SLK: variants seen among roughly 807,000 people sequenced by gnomAD.
SLK encodes the protein STE20-like serine/threonine-protein kinase.
Under a neutral mutation model 147.7 loss-of-function variants are expected in SLK, and 67 were observed. The observed-to-expected ratio is 0.45, with a 90% CI of 0.37 to 0.56. The LOEUF is 0.56. Among genes scored for constraint, SLK ranks in the 20% least tolerant of loss-of-function variants. The pLI is 0.00. For missense variants in SLK, 1,136 were observed against 1,438.8 expected, an observed-to-expected ratio of 0.79 and a Z score of 3.41; for synonymous variants, 441 against 475.0, an observed-to-expected ratio of 0.93 and a Z score of 0.93.
In SLK at chr10:104,018,294, T is replaced by C. The variant is rs867230972; in HGVS notation, c.3007+5T>C. On this transcript the variant is annotated splice_donor_5th_base_variant and intron_variant, in intron 14 of 18. Transcript: ENST00000369755. Reference sequence around the variant, plus strand: ...ACAAGCAACAGCTCATGAGAGGTAATTTTTTTAAAATTAAGAAATACTGCA... The same window carrying C: ...ACAAGCAACAGCTCATGAGAGGTAACTTTTTTAAAATTAAGAAATACTGCA... 11 of 1,595,236 alleles carry C rather than the reference T, an allele frequency of 6.9e-6. No homozygotes were observed. Among genetic ancestry groups the C allele is most frequent in the Non-Finnish European group, 9.4e-6 (11 of 1,174,438 alleles).
chr10:103,974,833 T>TTTTTTC lies in SLK; in HGVS notation c.150+6943_150+6944insCTTTTT, dbSNP rs1554841543. On this transcript the variant is annotated intron_variant, in intron 1 of 18. Coordinates refer to ENST00000369755, the MANE Select transcript of SLK (RefSeq NM_014720.4). Reference sequence around the variant, plus strand: ...GCCCGGCTAATTTTTTCTATTTTTTTTTTTTTTTTTTTTTTTTAGTAGAGA... The same window carrying TTTTTTC: ...GCCCGGCTAATTTTTTCTATTTTTTTTTTTTCTTTTTTTTTTTTTTTTTAGTAGAGA... 2 of 111,796 alleles carry TTTTTTC rather than the reference T, an allele frequency of 1.8e-5. 1 individual carries two copies. Among genetic ancestry groups the TTTTTTC allele is most frequent in the East Asian group, 5.8e-4 (2 of 3,474 alleles). The allele number at this position is 111,796 out of a possible 1,614,324, so 6.9% of individuals were successfully genotyped here. A position where few individuals can be genotyped will look rare whatever the true frequency, so the allele number is the denominator to read the frequency against.
chr10:104,001,068 A>G (rs1844241020), intron 7 of SLK, among the ~76,000 whole-genome samples: 1 of 150,956 alleles, frequency 6.6e-6, no homozygotes, highest in South Asian at 2.1e-4. Context: ...CAAAAAAAAA[A>G]AAAAAAAAAA....
chr10:103,970,124 T>C (rs1234347755), intron 1 of SLK, among the ~76,000 whole-genome samples: 4 of 152,174 alleles, frequency 2.6e-5, no homozygotes, highest in Non-Finnish European at 5.9e-5. Context: ...AGTGTGAGGA[T>C]TGAAAAAGAT....
chr10:104,025,489 G>C, intron 18 of SLK, 85 bp from the exon 19 acceptor site: 1 of 1,323,602 alleles, frequency 7.6e-7, no homozygotes, highest in Non-Finnish European at 1.0e-6. Flanking sequence ...AAGTGTTTTG[G>C]ACAAGTAGTT....
At chr10:103,986,696 T>C (rs1166938580) in intron 1 of SLK, among the ~76,000 whole-genome samples, 1 of 114,800 alleles carries the variant, frequency 8.7e-6, no homozygotes, top group Non-Finnish European at 1.8e-5. Context: ...TTTTTTTCCC[T>C]GAGACAGAGT....
intron 1 of SLK, among the ~76,000 whole-genome samples, chr10:103,969,367 A>G (rs534640688): frequency 1.3e-5 from 2 of 152,216 alleles, no homozygotes; most frequent in Non-Finnish European, 1.5e-5. Flanking sequence ...AGGCTAAAAT[A>G]TCTACTCCTC....
chr10:104,019,582 C>G (rs897375283), intron 15 of SLK, 152 bp from the exon 16 acceptor site: 3 of 673,594 alleles, frequency 4.5e-6, no homozygotes, highest in African/African-American at 1.8e-5. Flanking sequence ...TAACTTCTTA[C>G]AAGTTATTTT....
intron 1 of SLK, among the ~76,000 whole-genome samples, chr10:103,990,454 T>C (rs1003441204): frequency 6.6e-6 from 1 of 152,152 alleles, no homozygotes; most frequent in Non-Finnish European, 1.5e-5. Flanking sequence ...TCCACGCAAT[T>C]TTGCTGTGAA....
In SLK at chr10:103,990,770, A is replaced by G; in HGVS notation, c.246A>G (p.Ile82Met). ...AAGATTACATGGTAGAGATTGACAT[A>G]TTAGCATCTTGTGATCACCCAAATA... is the stretch of plus-strand genomic sequence containing the variant. ...ELEDYMVEID[I>M]LASCDHPNIV... Residue 82 changes from isoleucine (I) to methionine (M), a missense_variant, in exon 2 of 19, where the codon ATA (isoleucine) becomes ATG (methionine). Physicochemically the swap from Ile to Met is conservative, Grantham distance 10. Transcript: ENST00000369755. 1 of 1,569,658 alleles carries G rather than the reference A, an allele frequency of 6.4e-7. No homozygotes were observed. Among genetic ancestry groups the G allele is most frequent in the Non-Finnish European group, 8.6e-7 (1 of 1,161,606 alleles).
chr10:103,983,183 GA>G (rs1280763490), intron 1 of SLK, among the ~76,000 whole-genome samples: 2 of 152,160 alleles, frequency 1.3e-5, no homozygotes, highest in African/African-American at 4.8e-5. Flanking sequence ...AAATGATGAT[GA>G]ATGATTTTAT....
chr10:103,982,427 G>A (rs1025866940), intron 1 of SLK, among the ~76,000 whole-genome samples: 2 of 152,142 alleles, frequency 1.3e-5, no homozygotes, highest in African/African-American at 4.8e-5. Context: ...TATTTTGACT[G>A]ACCAGTGACT....
intron 13 of SLK, among the ~76,000 whole-genome samples, chr10:104,011,569 T>G (rs965642066): frequency 6.6e-6 from 1 of 152,120 alleles, no homozygotes. Context: ...ATTCTTTTTT[T>G]TTTTTTTGGT....
At chr10:103,987,803 G>A (rs1844037585) in intron 1 of SLK, among the ~76,000 whole-genome samples, 1 of 152,084 alleles carries the variant, frequency 6.6e-6, no homozygotes. Context: ...GAAGGAAAAC[G>A]AGAAAGTTAA....
intron 11 of SLK, among the ~76,000 whole-genome samples, chr10:104,006,857 T>C (rs917998086): frequency 6.6e-6 from 1 of 152,226 alleles, no homozygotes; most frequent in Admixed American, 6.5e-5. Context: ...ATAGTACTTA[T>C]ATTGTTTTCC....
chr10:103,984,341 G>C (rs553772123), intron 1 of SLK, among the ~76,000 whole-genome samples: 16 of 152,042 alleles, frequency 1.1e-4, no homozygotes, highest in African/African-American at 3.1e-4. Context: ...ATATCACCTC[G>C]GTTAGACCTA....
chr10:104,018,777 C>T lies in SLK; in HGVS notation c.3008-7C>T, dbSNP rs1751019972. On this transcript the variant is annotated splice_polypyrimidine_tract_variant and splice_region_variant and intron_variant, in intron 14 of 18. Coordinates refer to ENST00000369755, the MANE Select transcript of SLK (RefSeq NM_014720.4). ...AAAGTGACATTTTGAAAACTGCTGT[C>T]TTCTAGCTCGAGAAGCTGCAATTTG... is the stretch of plus-strand genomic sequence containing the variant. 3 of 1,604,902 alleles carry T rather than the reference C, an allele frequency of 1.9e-6. No individual in the cohort carries two copies. The highest frequency in any genetic ancestry group is 3.5e-5 in the Admixed American group (2 of 57,270).
chr10:103,976,679 G>T (rs1241734221), intron 1 of SLK, among the ~76,000 whole-genome samples: 2 of 151,956 alleles, frequency 1.3e-5, no homozygotes, highest in Non-Finnish European at 2.9e-5. Flanking sequence ...TAGTTTTGCA[G>T]CCATTACTAC....
At position 103,967,910 on chromosome 10, in the gene SLK, A is replaced by G; in HGVS notation, c.150+15A>G. On this transcript the variant is annotated intron_variant, in intron 1 of 18. Coordinates refer to ENST00000369755, the MANE Select transcript of SLK (RefSeq NM_014720.4). ...AAGTGTACAAGGTAAGAGGGGGAAAACGGGAAGTTGTACTGCGAAGGTAAA... is the reference window on the plus strand; with the variant it reads ...AAGTGTACAAGGTAAGAGGGGGAAAGCGGGAAGTTGTACTGCGAAGGTAAA... 6.2e-7 allele frequency: 1 copy of G among 1,611,770 alleles called. No homozygotes were observed. The highest frequency in any genetic ancestry group is 1.7e-5 in the Admixed American group (1 of 59,856).
chr10:103,982,827 G>A lies in SLK; in HGVS notation c.151-7848G>A, dbSNP rs74154711. 6.7e-3 allele frequency among the ~76,000 whole-genome samples: 1,027 copies of A among 152,324 alleles called. 6 individuals carry two copies. The highest frequency in any genetic ancestry group is 0.031 in the Middle Eastern group (9 of 294). ...CACCTCTCATGAAGAGATGACCAGA[G>A]GACGGAGACAGCAGAGGGCAGTGTA... On this transcript the variant is annotated intron_variant, in intron 1 of 18. Coordinates refer to ENST00000369755, the MANE Select transcript of SLK (RefSeq NM_014720.4).
Sources: gnomAD v4.1 joint callset for allele counts (sites outside exome capture counted in the v4.1 genomes callset) on GRCh38, gnomAD v4.1.1 for gene constraint, MANE v1.5 for transcripts, NCBI Gene and HGNC (gene_info 2026-07-23, HGNC 2026-07-21) for gene names.